Variants in CHRDL1 observed in about 807,000 individuals in gnomAD.
CHRDL1 encodes chordin like 1.
A neutral mutation model predicts 40.9 loss-of-function variants in CHRDL1; 19 were observed. The observed-to-expected ratio is 0.46, with a 90% CI of 0.32 to 0.68. CHRDL1 has a LOEUF of 0.68. Among genes scored for constraint, CHRDL1 ranks in the 30% least tolerant of loss-of-function variants. The pLI is 0.03. For missense variants in CHRDL1, 329 were observed against 352.1 expected, an observed-to-expected ratio of 0.93 and a Z score of 0.53; for synonymous variants, 136 against 123.4, an observed-to-expected ratio of 1.10 and a Z score of -0.68.
chrX:110,736,789 A>G (rs993495377), intron 4 of CHRDL1, among the ~76,000 whole-genome samples: 4 of 111,986 alleles, frequency 3.6e-5, no homozygotes, highest in East Asian at 2.8e-4. Context: ...AACCACACCA[A>G]TAAGATTAGG....
intron 2 of CHRDL1, among the ~76,000 whole-genome samples, chrX:110,785,512 G>A (rs958635803): frequency 9.0e-6 from 1 of 111,250 alleles, no homozygotes; most frequent in African/African-American, 3.3e-5. Flanking sequence ...CTCAGACTTC[G>A]CCACTATGCA....
At chrX:110,718,753 T>C (rs1322797975) in intron 6 of CHRDL1, among the ~76,000 whole-genome samples, 1 of 112,302 alleles carries the variant, frequency 8.9e-6, no homozygotes, top group Non-Finnish European at 1.9e-5. Context: ...CTCAGTCCTA[T>C]GTTTATTTTC....
At chrX:110,732,368 CCCCAG>C (rs1443371791) in intron 4 of CHRDL1, among the ~76,000 whole-genome samples, 1 of 111,501 alleles carries the variant, frequency 9.0e-6, no homozygotes, top group Non-Finnish European at 1.9e-5. Flanking sequence ...TTGGCCCAAC[CCCCAG>C]TGAGGTCCCA....
At chrX:110,724,812 A>C (rs1272760073) in intron 4 of CHRDL1, among the ~76,000 whole-genome samples, 3 of 110,982 alleles carry the variant, frequency 2.7e-5, no homozygotes, top group Non-Finnish European at 3.8e-5. Context: ...TATGGACTCA[A>C]ATCTCCCCTT....
chrX:110,760,774 C>A (rs752113034), intron 3 of CHRDL1, among the ~76,000 whole-genome samples: 1 of 111,747 alleles, frequency 8.9e-6, no homozygotes, highest in Non-Finnish European at 1.9e-5. Context: ...TTATCCCAAC[C>A]TTTTCCTTTT....
At chrX:110,688,873 A>G (rs2070083473) in intron 8 of CHRDL1, 70 bp from the exon 9 acceptor site, 1 of 759,773 alleles carries the variant, frequency 1.3e-6, no homozygotes, top group East Asian at 3.2e-5. Flanking sequence ...TCAGAACCCA[A>G]GCCCTGAACT....
At chrX:110,734,268 A>C (rs750043236) in intron 4 of CHRDL1, among the ~76,000 whole-genome samples, 1 of 111,902 alleles carries the variant, frequency 8.9e-6, no homozygotes, top group Non-Finnish European at 1.9e-5. Context: ...CTTCAGCAGT[A>C]TGAGATCTCT....
At chrX:110,734,342 G>A (rs2071225240) in intron 4 of CHRDL1, among the ~76,000 whole-genome samples, 1 of 112,111 alleles carries the variant, frequency 8.9e-6, no homozygotes, top group East Asian at 2.8e-4. Flanking sequence ...AGCTTTCTGT[G>A]TGCTGAGAGT....
At chrX:110,730,617 C>A (rs2148475822) in intron 4 of CHRDL1, among the ~76,000 whole-genome samples, 1 of 110,854 alleles carries the variant, frequency 9.0e-6, no homozygotes, top group South Asian at 3.9e-4. Context: ...GGGTCTCACT[C>A]TGTTGCCCAG....
intron 2 of CHRDL1, among the ~76,000 whole-genome samples, chrX:110,787,983 T>C (rs1459016985): frequency 1.8e-5 from 2 of 112,666 alleles, no homozygotes; most frequent in Non-Finnish European, 3.8e-5. Context: ...CTTCAGCCCA[T>C]TTATCCCATA....
intron 4 of CHRDL1, among the ~76,000 whole-genome samples, chrX:110,734,244 G>T (rs564979437): frequency 9.0e-6 from 1 of 111,609 alleles, no homozygotes; most frequent in East Asian, 2.8e-4. Flanking sequence ...AAAGCAGGGG[G>T]GCTGAGGATT....
At chrX:110,677,098 C>T (rs1303694400) in intron 11 of CHRDL1, among the ~76,000 whole-genome samples, 3 of 110,848 alleles carry the variant, frequency 2.7e-5, no homozygotes, top group African/African-American at 9.9e-5. Flanking sequence ...GTACTGCAAC[C>T]TGGAGAACTC....
chrX:110,770,803 G>A (rs1027286235), intron 2 of CHRDL1, among the ~76,000 whole-genome samples: 2 of 111,653 alleles, frequency 1.8e-5, no homozygotes, highest in Non-Finnish European at 3.8e-5. Context: ...AACATAAAAT[G>A]GATTAATTCT....
chrX:110,780,037 T>A (rs1048809636), intron 2 of CHRDL1, among the ~76,000 whole-genome samples: 1 of 111,770 alleles, frequency 8.9e-6, no homozygotes, highest in Non-Finnish European at 1.9e-5. Flanking sequence ...TACTTCAACC[T>A]TGCAATAATC....
chrX:110,781,572 T>A (rs1477521077), intron 2 of CHRDL1, among the ~76,000 whole-genome samples: 3 of 111,585 alleles, frequency 2.7e-5, no homozygotes. Context: ...ATCAGCTATA[T>A]GTTCTGCATG....
At chrX:110,719,060 T>G (rs776004281) in intron 6 of CHRDL1, among the ~76,000 whole-genome samples, 1 of 111,537 alleles carries the variant, frequency 9.0e-6, no homozygotes, top group Non-Finnish European at 1.9e-5. Context: ...ATACCCCAAT[T>G]CTAGCACAAT....
intron 2 of CHRDL1, among the ~76,000 whole-genome samples, chrX:110,786,896 TTAAGTGGCTGCCATGTA>T (rs2090025170): frequency 8.9e-6 from 1 of 111,987 alleles, no homozygotes; most frequent in Non-Finnish European, 1.9e-5. Flanking sequence ...CTCTTATGTG[TTAAGTGGCTGCCATGTA>T]TAAAGGACTG....
Position 110,681,612 on chromosome X carries a change from G to T in CHRDL1, c.1026C>A (p.Tyr342Ter), listed in dbSNP as rs1470567728. The T allele has an allele frequency of 8.3e-7, 1 of 1,206,248 alleles. No homozygotes were observed. Among genetic ancestry groups the T allele is most frequent in the Non-Finnish European group, 1.1e-6 (1 of 892,357 alleles). The change falls in exon 10 of 12, where the codon TAC becomes TAA. Residue 342 changes from tyrosine to a stop codon, truncating the protein, a stop_gained. Transcript: ENST00000372042. LOFTEE classifies it high-confidence loss of function. ...LPGQSFDNKG[Y>*]FCGEETMPVY... ...CAGGCATCGTTTCTTCCCCGCAGAA[G>T]TAGCCTTTATTGTCAAAGCTTTGGC...
At chrX:110,713,406 T>TA (rs2070779643) in intron 6 of CHRDL1, among the ~76,000 whole-genome samples, 2 of 112,180 alleles carry the variant, frequency 1.8e-5, no homozygotes, top group Admixed American at 1.9e-4. Flanking sequence ...CAAGACACTT[T>TA]AAGCCTAGAG....
Sources: gnomAD v4.1 joint callset for allele counts (sites outside exome capture counted in the v4.1 genomes callset) on GRCh38, gnomAD v4.1.1 for gene constraint, MANE v1.5 for transcripts, NCBI Gene and HGNC (gene_info 2026-07-23, HGNC 2026-07-21) for gene names.